GPR83: variants seen among roughly 807,000 people sequenced by gnomAD.
The protein encoded by GPR83 is G-protein coupled receptor 72.
Under a neutral mutation model 28.0 loss-of-function variants are expected in GPR83, and 23 were observed. The observed-to-expected ratio is 0.82, with a 90% confidence interval of 0.59 to 1.16. The LOEUF (loss-of-function observed/expected upper bound fraction) is 1.16. Ranked by LOEUF, GPR83 falls within the 50% of genes most tolerant of loss-of-function variation. GPR83 has a pLI of 0.00. For missense variants in GPR83, 610 were observed against 536.6 expected, an observed-to-expected ratio of 1.14 and a Z score of -1.35; for synonymous variants, 234 against 215.4, an observed-to-expected ratio of 1.09 and a Z score of -0.76.
intron 3 of GPR83, 47 bp from the exon 4 acceptor site, chr11:94,380,820 T>G: frequency 6.6e-6 from 10 of 1,520,848 alleles, no homozygotes; most frequent in Non-Finnish European, 8.9e-6. Context: ...AGAAAGGAGA[T>G]ATTAGTGTGG....
intron 3 of GPR83, among the ~76,000 whole-genome samples, chr11:94,381,742 C>T (rs1335788367): frequency 6.6e-6 from 1 of 152,112 alleles, no homozygotes; most frequent in Non-Finnish European, 1.5e-5. Context: ...CCACGATTCA[C>T]TACAGCCATA....
chr11:94,397,095 G>C (rs1044139530), intron 1 of GPR83, among the ~76,000 whole-genome samples: 5 of 152,178 alleles, frequency 3.3e-5, no homozygotes, highest in Non-Finnish European at 7.3e-5. Context: ...CATAGCATGT[G>C]GGCTGTGCTG....
intron 1 of GPR83, 65 bp downstream of exon 1, chr11:94,400,796 A>T: frequency 6.6e-7 from 1 of 1,506,450 alleles, no homozygotes; most frequent in Non-Finnish European, 9.1e-7. Flanking sequence ...GAGGGAGGCC[A>T]GAGAACTGAG....
intron 2 of GPR83, among the ~76,000 whole-genome samples, chr11:94,394,061 C>T (rs1178826081): frequency 1.3e-5 from 2 of 152,106 alleles, no homozygotes; most frequent in Non-Finnish European, 2.9e-5. Context: ...CATACTCAGG[C>T]TGAACCAGGG....
rs768448114 is a variant in GPR83 at position 94,400,886 on chromosome 11, G to A, written c.362C>T (p.Thr121Met). 3.7e-6 allele frequency: 6 copies of A among 1,614,040 alleles called. No homozygotes were observed. The African/African-American group carries it at 5.3e-5, about 14-fold the overall frequency. Reference sequence around the variant, plus strand: ...CAAAGTGAAGGGGGTGTTGAGCAGCGTGATCATTATGTCGGCAACTGCCAG... The same window carrying A: ...CAAAGTGAAGGGGGTGTTGAGCAGCATGATCATTATGTCGGCAACTGCCAG... ...VNLAVADIMI[T>M]LLNTPFTLVR... is the part of the protein sequence containing the mutation. The change falls in exon 1 of 4, where the codon ACG becomes ATG. Residue 121 changes from threonine (T) to methionine (M), a missense_variant. By Grantham distance (81) the Thr-to-Met change is moderately conservative (BLOSUM62 -1). Coordinates refer to ENST00000243673, the MANE Select transcript of GPR83 (RefSeq NM_016540.4).
chr11:94,397,997 C>T (rs1944881296), intron 1 of GPR83, among the ~76,000 whole-genome samples: 1 of 152,232 alleles, frequency 6.6e-6, no homozygotes, highest in African/African-American at 2.4e-5. Context: ...AAATCTTCAG[C>T]TATTCCAACT....
At chr11:94,383,413 A>C (rs1438241241) in intron 3 of GPR83, among the ~76,000 whole-genome samples, 1 of 152,178 alleles carries the variant, frequency 6.6e-6, no homozygotes, top group African/African-American at 2.4e-5. Context: ...CCTTAACATC[A>C]AAATTAAAAG....
In GPR83 at chr11:94,377,875, T is replaced by G. The variant is rs1944638186; in HGVS notation, c.*2274A>C. ...TACGATGGGTTTATTGAGATGTAAGTCAAGGAGCTTCTGTATTCCTAGACA... is the reference window on the plus strand; with the variant it reads ...TACGATGGGTTTATTGAGATGTAAGGCAAGGAGCTTCTGTATTCCTAGACA... On this transcript the variant is annotated 3_prime_UTR_variant, in exon 4 of 4. Transcript: ENST00000243673. The G allele has an allele frequency of 6.6e-6, 1 of 152,206 alleles. No homozygotes were observed. Among genetic ancestry groups the G allele is most frequent in the African/African-American group, 2.4e-5 (1 of 41,450 alleles). The allele number at this position is 152,206 out of a possible 1,614,324, so 9.4% of individuals were successfully genotyped here.
chr11:94,398,112 G>A (rs182913388), intron 1 of GPR83, among the ~76,000 whole-genome samples: 13 of 152,258 alleles, frequency 8.5e-5, no homozygotes, highest in Admixed American at 8.5e-4. Context: ...GCCTTGTGGG[G>A]TACCCCATTA....
chr11:94,396,065 C>T (rs924255191), intron 2 of GPR83, among the ~76,000 whole-genome samples: 11 of 152,106 alleles, frequency 7.2e-5, no homozygotes, highest in South Asian at 2.1e-4. Flanking sequence ...ACTAAAAGTA[C>T]GAAAACTAGC....
At position 94,380,516 on chromosome 11, in the gene GPR83, G is replaced by C. The variant is rs201927885; in HGVS notation, c.905C>G (p.Ala302Gly). Residue 302 changes from alanine (A) to glycine (G), a missense_variant, in exon 4 of 4, where the codon GCC becomes GGC. Physicochemically the swap from Ala to Gly is moderately conservative, Grantham distance 60. Coordinates refer to ENST00000243673, the MANE Select transcript of GPR83 (RefSeq NM_016540.4). The stretch of plus-strand genomic sequence containing the variant: ...GCAGTTGAGGGGGAACCAGCAGAGG[G>C]CAAAGAGGACTACCACCAGCATCAA... ...KMLMLVVVLF[A>G]LCWFPLNCYV... 3.7e-6 allele frequency: 6 copies of C among 1,614,230 alleles called. No homozygotes were observed. The highest frequency in any genetic ancestry group is 4.2e-6 in the Non-Finnish European group (5 of 1,180,038).
intron 2 of GPR83, among the ~76,000 whole-genome samples, chr11:94,394,165 C>G (rs1171304106): frequency 6.6e-6 from 1 of 152,152 alleles, no homozygotes; most frequent in Non-Finnish European, 1.5e-5. Flanking sequence ...GGTCAGCCCC[C>G]ACCTCCTTGG....
At chr11:94,389,635 A>T (rs924326276) in intron 3 of GPR83, among the ~76,000 whole-genome samples, 9 of 152,240 alleles carry the variant, frequency 5.9e-5, no homozygotes, top group African/African-American at 2.2e-4. Context: ...ATCTCACACC[A>T]GTTAGAATGG....
At chr11:94,390,078 C>T (rs1168337883) in intron 3 of GPR83, among the ~76,000 whole-genome samples, 2 of 151,930 alleles carry the variant, frequency 1.3e-5, no homozygotes, top group African/African-American at 2.4e-5. Flanking sequence ...GGACAAAAAA[C>T]CAAACACCGC....
rs778848123 is a variant in GPR83 at position 94,401,074 on chromosome 11, C to A, written c.174G>T (p.Arg58Ser). 1 of 1,614,124 alleles carries A rather than the reference C, an allele frequency of 6.2e-7. No homozygotes were observed. The change falls in exon 1 of 4, where the codon AGG (arginine) becomes AGT (serine). Residue 58 changes from arginine (R) to serine (S), a missense_variant. Arg to Ser is a moderately radical substitution (Grantham distance 110). Transcript: ENST00000243673. ...TCTGGGACTCAGCGCCGTAGCGCCT[C>A]CTGCCCACAAAGTTCTGCCAGTCGG... ...TFSDWQNFVG[R>S]RRYGAESQNP... is the part of the protein sequence containing the mutation.
chr11:94,384,751 T>C (rs1222877226), intron 3 of GPR83, among the ~76,000 whole-genome samples: 1 of 152,198 alleles, frequency 6.6e-6, no homozygotes, highest in Middle Eastern at 3.2e-3. Flanking sequence ...CCTGCCTCCC[T>C]CTGTAGACTC....
intron 1 of GPR83, 50 bp from the exon 2 acceptor site, chr11:94,396,574 C>T (rs774000291): frequency 6.3e-7 from 1 of 1,599,712 alleles, no homozygotes; most frequent in Non-Finnish European, 8.6e-7. Flanking sequence ...TTGACTTTGA[C>T]ACCCATCCCT....
Position 94,380,225 on chromosome 11 carries a change from T to A in GPR83, c.1196A>T (p.Asn399Ile). The A allele has an allele frequency of 6.6e-7, 1 of 1,523,092 alleles. No individual in the cohort carries two copies. The highest frequency in any genetic ancestry group is 2.3e-5 in the East Asian group (1 of 44,116). 94.3% of individuals were successfully genotyped at this position (1,523,092 alleles called of 1,614,324 possible). ...CTGGAGTTGGGAGGTGGGCAGGAGG[T>A]TATTGGCAAGGGGAGCCCTCTGGCC... ...NDGQRAPLAN[N>I]LLPTSQLQSG... The change falls in exon 4 of 4, where the codon AAC becomes ATC. Residue 399 changes from asparagine (N) to isoleucine (I), a missense_variant. Transcript: ENST00000243673.
At chr11:94,396,240 G>A (rs1430233004) in intron 2 of GPR83, among the ~76,000 whole-genome samples, 159 bp downstream of exon 2, 1 of 152,116 alleles carries the variant, frequency 6.6e-6, no homozygotes, top group East Asian at 1.9e-4. Flanking sequence ...TTATGACAAA[G>A]GGCTTAATAT....
Sources: gnomAD v4.1 joint callset for allele counts (sites outside exome capture counted in the v4.1 genomes callset) on GRCh38, gnomAD v4.1.1 for gene constraint, MANE v1.5 for transcripts, NCBI Gene and HGNC (gene_info 2026-07-23, HGNC 2026-07-21) for gene names.